Variants in NAALADL2 observed in about 807,000 individuals in gnomAD.
The protein encoded by NAALADL2 is inactive N-acetylated-alpha-linked acidic dipeptidase-like protein 2.
A neutral mutation model predicts 87.2 loss-of-function variants in NAALADL2; 76 were observed. The observed-to-expected ratio is 0.87, with a 90% CI of 0.72 to 1.05. NAALADL2 has a LOEUF of 1.05. Ranked by LOEUF, NAALADL2 falls within the 50% of genes least tolerant of loss-of-function variation. The probability of loss-of-function intolerance (pLI) is 0.00; values close to 1 mark genes in which losing one functional copy is unlikely to be tolerated. For synonymous variants in NAALADL2, 354 were observed against 331.0 expected (o/e 1.07, Z -0.75); for missense variants, 1,089 against 945.8 (o/e 1.15, Z -1.99).
chr3:174,571,842 A>C (rs1714971189), intron 2 of NAALADL2, among the ~76,000 whole-genome samples: 1 of 152,252 alleles, frequency 6.6e-6, no homozygotes, highest in Non-Finnish European at 1.5e-5. Context: ...GATTTGACCC[A>C]GAAACATTGA....
At chr3:175,240,620 C>G (rs1746678827) in intron 3 of NAALADL2, among the ~76,000 whole-genome samples, 1 of 152,100 alleles carries the variant, frequency 6.6e-6, no homozygotes, top group South Asian at 2.1e-4. Flanking sequence ...ACTGTCTCAC[C>G]AACACAGAAA....
exon 1 of NAALADL2, chr3:174,441,011 A>G (rs1714556707): frequency 6.6e-6 from 1 of 152,034 alleles, no homozygotes; most frequent in Admixed American, 6.5e-5. Context: ...ACCGCAGACG[A>G]GCCCGCGCCC....
intron 2 of NAALADL2, among the ~76,000 whole-genome samples, chr3:174,611,558 C>T (rs1237408699): frequency 1.3e-5 from 2 of 151,970 alleles, no homozygotes; most frequent in Non-Finnish European, 2.9e-5. Flanking sequence ...TACTATTGCC[C>T]ATGAGTTTTG....
At chr3:175,258,854 G>A (rs766826278) in intron 4 of NAALADL2, among the ~76,000 whole-genome samples, 3 of 152,106 alleles carry the variant, frequency 2.0e-5, no homozygotes, top group Non-Finnish European at 4.4e-5. Context: ...TAAATTATCT[G>A]TGTTGACATT....
intron 2 of NAALADL2, among the ~76,000 whole-genome samples, chr3:175,099,430 T>C (rs1480944960): frequency 1.3e-5 from 2 of 152,182 alleles, no homozygotes; most frequent in Non-Finnish European, 2.9e-5. Flanking sequence ...GTTTTCTTTA[T>C]TGAGATAACA....
At chr3:175,305,445 T>C (rs539190879) in intron 4 of NAALADL2, among the ~76,000 whole-genome samples, 1 of 152,342 alleles carries the variant, frequency 6.6e-6, no homozygotes, top group East Asian at 1.9e-4. Flanking sequence ...CTATCATGAA[T>C]GTCAAATACA....
At chr3:175,184,155 G>C (rs1483010455) in intron 2 of NAALADL2, among the ~76,000 whole-genome samples, 1 of 152,026 alleles carries the variant, frequency 6.6e-6, no homozygotes, top group Admixed American at 6.6e-5. Flanking sequence ...ATAGTTGCTT[G>C]TGTGCCCCAT....
chr3:175,524,995 T>C (rs1733183166), intron 9 of NAALADL2, among the ~76,000 whole-genome samples: 1 of 152,100 alleles, frequency 6.6e-6, no homozygotes, highest in Non-Finnish European at 1.5e-5. Flanking sequence ...CAGGATCAAA[T>C]TGGGCAGATG....
intron 1 of NAALADL2, among the ~76,000 whole-genome samples, chr3:174,957,428 C>T (rs989319539): frequency 6.6e-6 from 1 of 151,938 alleles, no homozygotes; most frequent in African/African-American, 2.4e-5. Flanking sequence ...ATATGAGATA[C>T]CTGTTTTGAT....
chr3:175,778,462 CTCTT>C (rs1299689142), intron 13 of NAALADL2, among the ~76,000 whole-genome samples: 2 of 152,144 alleles, frequency 1.3e-5, no homozygotes, highest in African/African-American at 4.8e-5. Flanking sequence ...TTTGGAAAAA[CTCTT>C]TCCTGGGCAG....
chr3:175,698,333 G>A (rs183152895), intron 11 of NAALADL2, among the ~76,000 whole-genome samples: 10,394 of 65,028 alleles, frequency 0.16, 3,137 homozygotes, highest in African/African-American at 0.54. Context: ...TTATGTATGT[G>A]TATATATGTA....
At chr3:175,334,811 A>G (rs1241227125) in intron 5 of NAALADL2, among the ~76,000 whole-genome samples, 1 of 152,146 alleles carries the variant, frequency 6.6e-6, no homozygotes, top group Non-Finnish European at 1.5e-5. Context: ...TAAAGGGAGA[A>G]ATGGAACTCC....
chr3:175,046,163 A>G (rs1285904204), intron 1 of NAALADL2, among the ~76,000 whole-genome samples: 2 of 152,218 alleles, frequency 1.3e-5, no homozygotes, highest in East Asian at 3.9e-4. Flanking sequence ...GATTTTTAAA[A>G]GTTATCTTCT....
chr3:174,808,769 A>G (rs1458171944), intron 3 of NAALADL2, among the ~76,000 whole-genome samples: 2 of 151,892 alleles, frequency 1.3e-5, no homozygotes, highest in Non-Finnish European at 2.9e-5. Context: ...AACTTTCCAA[A>G]ATTATATTTA....
chr3:175,555,561 C>T (rs1715132414), intron 9 of NAALADL2, among the ~76,000 whole-genome samples: 1 of 152,090 alleles, frequency 6.6e-6, no homozygotes, highest in Non-Finnish European at 1.5e-5. Flanking sequence ...ATCACAAGCT[C>T]CTTGACAATA....
Position 175,097,155 on chromosome 3 carries a change from AT to A in NAALADL2, c.414del (p.Phe138LeufsTer4). 1 of 1,613,760 alleles carries A rather than the reference AT, an allele frequency of 6.2e-7. No homozygotes were observed. Among genetic ancestry groups the A allele is most frequent in the Non-Finnish European group, 8.5e-7 (1 of 1,179,726 alleles). ...KILCTATILF[I>X]FGILIGYYVH... ...ACTTTGCACAGCCACCATTTTATTT[AT>A]TTTTGGGATTTTGATAGGTTATTAT... On this transcript the variant is annotated frameshift_variant, in exon 2 of 14. Transcript: ENST00000454872. LOFTEE classifies it high-confidence loss of function.
At chr3:175,171,297 A>T (rs1734766245) in intron 2 of NAALADL2, among the ~76,000 whole-genome samples, 1 of 152,068 alleles carries the variant, frequency 6.6e-6, no homozygotes, top group African/African-American at 2.4e-5. Context: ...GTAGAGAGGA[A>T]AGTAAGCAAT....
chr3:175,457,696 T>TG (rs1665707125), intron 6 of NAALADL2, among the ~76,000 whole-genome samples: 1 of 150,510 alleles, frequency 6.6e-6, no homozygotes, highest in African/African-American at 2.4e-5. Context: ...TTTTTTTTTT[T>TG]TTTTTTTGTA....
chr3:174,624,714 T>C (rs1721381673), intron 2 of NAALADL2, among the ~76,000 whole-genome samples: 1 of 152,150 alleles, frequency 6.6e-6, no homozygotes, highest in African/African-American at 2.4e-5. Context: ...TAATAGTTAT[T>C]TAGATTGCAA....
Sources: gnomAD v4.1 joint callset for allele counts (sites outside exome capture counted in the v4.1 genomes callset) on GRCh38, gnomAD v4.1.1 for gene constraint, MANE v1.5 for transcripts, NCBI Gene and HGNC (gene_info 2026-07-23, HGNC 2026-07-21) for gene names.